FHOD3: variants seen among roughly 807,000 people sequenced by gnomAD.
FHOD3 encodes the protein FH1/FH2 domain-containing protein 3.
In FHOD3, 90 loss-of-function variants were observed where a neutral mutation model predicts 173.0. The ratio of observed to expected loss-of-function variants is 0.52; its 90% CI spans 0.44 to 0.62. FHOD3 has a LOEUF of 0.62. Ranked by LOEUF, FHOD3 falls within the 20% of genes least tolerant of loss-of-function variation. The probability of loss-of-function intolerance (pLI) is 0.00; values close to 1 mark genes in which losing one functional copy is unlikely to be tolerated. For synonymous variants in FHOD3, 828 were observed against 823.0 expected, an observed-to-expected ratio of 1.01 and a Z score of -0.10; for missense variants, 1,945 against 2,034.7, an observed-to-expected ratio of 0.96 and a Z score of 0.85.
At chr18:36,476,334 A>G (rs2053573582) in intron 3 of FHOD3, among the ~76,000 whole-genome samples, 1 of 152,234 alleles carries the variant, frequency 6.6e-6, no homozygotes, top group Non-Finnish European at 1.5e-5. Context: ...TGCCAGCAGA[A>G]GGCAGGAAGG....
At chr18:36,671,780 T>G (rs1445392972) in intron 14 of FHOD3, among the ~76,000 whole-genome samples, 1 of 152,068 alleles carries the variant, frequency 6.6e-6, no homozygotes, top group Non-Finnish European at 1.5e-5. Flanking sequence ...ACAGTTGCTG[T>G]GGGGGAAGGA....
intron 2 of FHOD3, among the ~76,000 whole-genome samples, chr18:36,364,941 T>G (rs1035296361): frequency 6.6e-6 from 1 of 151,750 alleles, no homozygotes; most frequent in African/African-American, 2.4e-5. Context: ...AAGGAGAGAC[T>G]GGGGGCTGTG....
At chr18:36,423,911 C>A (rs1365392830) in intron 3 of FHOD3, among the ~76,000 whole-genome samples, 2 of 152,158 alleles carry the variant, frequency 1.3e-5, no homozygotes, top group African/African-American at 4.8e-5. Context: ...GTTTGTAAAA[C>A]CCGTATTTGT....
At chr18:36,302,673 A>G (rs1029497948) in intron 1 of FHOD3, among the ~76,000 whole-genome samples, 4 of 152,244 alleles carry the variant, frequency 2.6e-5, no homozygotes, top group Admixed American at 2.6e-4. Flanking sequence ...ATCCACTGGT[A>G]TTATTGCACT....
intron 5 of FHOD3, among the ~76,000 whole-genome samples, chr18:36,548,467 T>C (rs1406591624): frequency 1.3e-5 from 2 of 152,180 alleles, no homozygotes; most frequent in African/African-American, 2.4e-5. Context: ...ACTTAAGGCA[T>C]AAAATCTTGA....
intron 2 of FHOD3, among the ~76,000 whole-genome samples, chr18:36,365,125 A>G (rs535964488): frequency 6.6e-5 from 10 of 152,302 alleles, no homozygotes; most frequent in Admixed American, 5.9e-4. Context: ...TCCTAAGTGT[A>G]AGGGCCAAAA....
chr18:36,550,065 TTTC>T (rs1302627291), intron 5 of FHOD3, among the ~76,000 whole-genome samples: 2 of 151,900 alleles, frequency 1.3e-5, no homozygotes, highest in Non-Finnish European at 2.9e-5. Context: ...AAAATGATCT[TTTC>T]TTCTATCTTT....
intron 1 of FHOD3, among the ~76,000 whole-genome samples, chr18:36,309,943 C>G (rs1255434279): frequency 6.6e-6 from 1 of 152,184 alleles, no homozygotes; most frequent in East Asian, 1.9e-4. Context: ...GCCTCCGTCT[C>G]AAAGGTGAGA....
Position 36,718,234 on chromosome 18 carries a change from T to G in FHOD3, c.2936T>G (p.Ile979Ser). Residue 979 changes from isoleucine to serine, a missense_variant, in exon 19 of 29, where the codon ATC becomes AGC. Physicochemically the swap from Ile to Ser is moderately radical, Grantham distance 142. Transcript: ENST00000590592. ...PVQPKTESDY[I>S]WDQLMANPRE... ...CAGCCGAAGACAGAGTCTGATTACA[T>G]CTGGGACCAGCTCATGGCCAATCCA... The G allele has an allele frequency of 1.9e-6, 3 of 1,614,104 alleles. No homozygotes were observed. Among genetic ancestry groups the G allele is most frequent in the Non-Finnish European group, 2.5e-6 (3 of 1,180,004 alleles).
At chr18:36,668,677 T>C (rs1298518256) in intron 14 of FHOD3, among the ~76,000 whole-genome samples, 1 of 152,054 alleles carries the variant, frequency 6.6e-6, no homozygotes. Context: ...TAATATGTTG[T>C]GTTTTTATCT....
intron 5 of FHOD3, among the ~76,000 whole-genome samples, chr18:36,573,717 C>G (rs2058544112): frequency 6.6e-6 from 1 of 152,154 alleles, no homozygotes; most frequent in African/African-American, 2.4e-5. Flanking sequence ...TTATGAGAAA[C>G]ATTTTACAAG....
At chr18:36,329,681 A>C (rs1231699932) in intron 1 of FHOD3, among the ~76,000 whole-genome samples, 1 of 152,162 alleles carries the variant, frequency 6.6e-6, no homozygotes, top group African/African-American at 2.4e-5. Flanking sequence ...GAACTGGCTC[A>C]AGGAAAGGAT....
At position 36,718,163 on chromosome 18, in the gene FHOD3, C is replaced by A; in HGVS notation, c.2865C>A (p.Ser955=). The stretch of plus-strand genomic sequence containing the variant: ...GGGACCTGGGGAGAGGTTCCATCTC[C>A]CCTGATGCTGAGCCCAATGACAAGG... ...NSGDLGRGSI[S]PDAEPNDKVP... The change falls in exon 19 of 29, where the codon TCC becomes TCA. Residue 955 remains serine (S), a synonymous_variant. Transcript: ENST00000590592. 1 of 1,611,610 alleles carries A rather than the reference C, an allele frequency of 6.2e-7. No homozygotes were observed. Among genetic ancestry groups the A allele is most frequent in the South Asian group, 1.1e-5 (1 of 90,618 alleles).
chr18:36,641,806 A>G (rs2035324779), intron 10 of FHOD3, among the ~76,000 whole-genome samples: 2 of 152,090 alleles, frequency 1.3e-5, no homozygotes, highest in Non-Finnish European at 2.9e-5. Flanking sequence ...AATTATAAAA[A>G]TTAGCTGGGT....
chr18:36,629,431 C>T (rs548083829), intron 10 of FHOD3, among the ~76,000 whole-genome samples: 17 of 152,144 alleles, frequency 1.1e-4, no homozygotes, highest in Middle Eastern at 3.4e-3. Flanking sequence ...GCTCACAGGC[C>T]GTATAAAAAC....
intron 3 of FHOD3, among the ~76,000 whole-genome samples, chr18:36,397,451 T>C (rs2048605472): frequency 6.6e-6 from 1 of 152,190 alleles, no homozygotes; most frequent in South Asian, 2.1e-4. Flanking sequence ...TTGTTTTGCT[T>C]TCTGGTTGCT....
intron 1 of FHOD3, among the ~76,000 whole-genome samples, chr18:36,309,176 C>T (rs557200603): frequency 1.6e-4 from 25 of 152,182 alleles, no homozygotes; most frequent in South Asian, 1.2e-3. Flanking sequence ...CTGCAGTTCA[C>T]GATGGGGAAG....
intron 9 of FHOD3, among the ~76,000 whole-genome samples, chr18:36,615,743 C>T (rs2033136913): frequency 6.6e-6 from 1 of 152,156 alleles, no homozygotes; most frequent in South Asian, 2.1e-4. Flanking sequence ...TTTTTCTGCA[C>T]CGCTAGATCT....
intron 1 of FHOD3, among the ~76,000 whole-genome samples, chr18:36,353,669 A>G (rs142210340): frequency 5.9e-5 from 9 of 152,366 alleles, no homozygotes; most frequent in Admixed American, 5.2e-4. Flanking sequence ...AGATTTCCTC[A>G]TAATATTAAT....
Sources: gnomAD v4.1 joint callset for allele counts (sites outside exome capture counted in the v4.1 genomes callset) on GRCh38, gnomAD v4.1.1 for gene constraint, MANE v1.5 for transcripts, NCBI Gene and HGNC (gene_info 2026-07-23, HGNC 2026-07-21) for gene names.